TLN2: variants seen among roughly 807,000 people sequenced by gnomAD.
The protein encoded by TLN2 is talin-2.
A neutral mutation model predicts 294.7 loss-of-function variants in TLN2; 118 were observed. The observed-to-expected ratio is 0.40, with a 90% CI of 0.34 to 0.47. The LOEUF (loss-of-function observed/expected upper bound fraction) is 0.47, where lower values mean the gene tolerates loss of function less well. Ranked by LOEUF, TLN2 falls within the 20% of genes least tolerant of loss-of-function variation. The pLI, the probability that TLN2 is intolerant of heterozygous loss-of-function variation, is 0.84. For missense variants in TLN2, 3,083 were observed against 3,282.2 expected, an observed-to-expected ratio of 0.94 and a Z score of 1.48; for synonymous variants, 1,431 against 1,304.5, an observed-to-expected ratio of 1.10 and a Z score of -2.09.
At chr15:62,663,844 C>G (rs1236488963) in intron 9 of TLN2, among the ~76,000 whole-genome samples, 2 of 151,974 alleles carry the variant, frequency 1.3e-5, no homozygotes, top group African/African-American at 4.8e-5. Context: ...TAAAGTACTT[C>G]TACCCAAACT....
At chr15:62,536,760 T>A (rs952810373) in intron 1 of TLN2, among the ~76,000 whole-genome samples, 1 of 152,218 alleles carries the variant, frequency 6.6e-6, no homozygotes, top group Non-Finnish European at 1.5e-5. Context: ...GCTCTAATGG[T>A]AATTTTTAAA....
intron 37 of TLN2, among the ~76,000 whole-genome samples, chr15:62,759,905 A>G (rs2062557437): frequency 6.6e-6 from 1 of 152,198 alleles, no homozygotes; most frequent in African/African-American, 2.4e-5. Flanking sequence ...GGTGTTCTCA[A>G]ATTGCTCTGA....
At chr15:62,700,959 T>A in intron 16 of TLN2, 147 bp from the exon 17 acceptor site, 1 of 614,830 alleles carries the variant, frequency 1.6e-6, no homozygotes, top group Non-Finnish European at 2.9e-6. Context: ...TTAAGGATAC[T>A]GTTTAGGATA....
Position 62,796,190 on chromosome 15 carries a change from G to C in TLN2, c.5947G>C (p.Ala1983Pro). 1.2e-6 allele frequency: 2 copies of C among 1,614,192 alleles called. No homozygotes were observed. Among genetic ancestry groups the C allele is most frequent in the African/African-American group, 1.3e-5 (1 of 75,032 alleles). The change falls in exon 47 of 59, where the codon GCC becomes CCC. Residue 1983 changes from alanine to proline, a missense_variant. Physicochemically the swap from Ala to Pro is conservative, Grantham distance 27 (BLOSUM62 -1). Coordinates refer to ENST00000636159, the MANE Select transcript of TLN2 (RefSeq NM_015059.3). ...AGGAACCCAGGCATGCATTACAGCC[G>C]CCACCGCTGTGTCTGGGATCATTGC... ...NKGTQACITA[A>P]TAVSGIIADL...
chr15:62,599,568 AC>A (rs1210261464), intron 2 of TLN2, among the ~76,000 whole-genome samples: 2 of 152,174 alleles, frequency 1.3e-5, no homozygotes, highest in African/African-American at 4.8e-5. Context: ...TCTGAGGCAG[AC>A]CCCAACCGTT....
chr15:62,455,633 A>G (rs2036432706), intron 1 of TLN2, among the ~76,000 whole-genome samples: 1 of 152,204 alleles, frequency 6.6e-6, no homozygotes, highest in Admixed American at 6.5e-5. Context: ...GAAGGCCTCC[A>G]GCAACCCTTT....
At position 62,771,038 on chromosome 15, in the gene TLN2, T is replaced by G; in HGVS notation, c.5271T>G (p.His1757Gln). 6 of 1,613,010 alleles carry G rather than the reference T, an allele frequency of 3.7e-6. No individual in the cohort carries two copies. Among genetic ancestry groups the G allele is most frequent in the East Asian group, 2.2e-5 (1 of 44,780 alleles). Residue 1757 changes from histidine to glutamine, a missense_variant, in exon 42 of 59, where the codon CAT becomes CAG. His to Gln is a conservative substitution (Grantham distance 24). Coordinates refer to ENST00000636159, the MANE Select transcript of TLN2 (RefSeq NM_015059.3). ...GTGTGGCCTCCAAGATTCTTGATCA[T>G]CAGCAGCAGATGACGGTGCTGGACC... ...AVGVASKILD[H>Q]QQQMTVLDQT...
chr15:62,640,185 C>G (rs892905829), intron 3 of TLN2: 8 of 455,894 alleles, frequency 1.8e-5, no homozygotes, highest in African/African-American at 1.4e-4. Flanking sequence ...TTCTCTTCCT[C>G]TCTTGTAGAA....
chr15:62,827,169 G>T (rs1237556488), intron 54 of TLN2, among the ~76,000 whole-genome samples: 1 of 152,164 alleles, frequency 6.6e-6, no homozygotes, highest in Non-Finnish European at 1.5e-5. Context: ...GGAGCTGTGG[G>T]GTTGCAGGGC....
intron 2 of TLN2, among the ~76,000 whole-genome samples, chr15:62,605,252 T>C (rs1290516237): frequency 6.6e-6 from 1 of 152,228 alleles, no homozygotes; most frequent in Non-Finnish European, 1.5e-5. Context: ...ATATGAAATA[T>C]CCTAGCCTAA....
intron 32 of TLN2, 119 bp downstream of exon 32, chr15:62,740,888 A>G (rs1356680749): frequency 5.3e-6 from 7 of 1,328,602 alleles, no homozygotes; most frequent in Non-Finnish European, 3.1e-6. Flanking sequence ...TCCTTAGGTC[A>G]TGGGAGGTGG....
intron 20 of TLN2, among the ~76,000 whole-genome samples, chr15:62,707,787 A>G (rs894900672): frequency 3.9e-5 from 6 of 152,126 alleles, no homozygotes; most frequent in Non-Finnish European, 7.4e-5. Flanking sequence ...TCAGTAGGTT[A>G]AGGCCACAGA....
chr15:62,459,528 G>A (rs766254621), intron 1 of TLN2, among the ~76,000 whole-genome samples: 13 of 152,180 alleles, frequency 8.5e-5, no homozygotes, highest in Non-Finnish European at 1.6e-4. Flanking sequence ...GAATAGGAAA[G>A]TGTGTGCATG....
chr15:62,431,900 A>C (rs1317103387), intron 1 of TLN2, among the ~76,000 whole-genome samples: 1 of 152,198 alleles, frequency 6.6e-6, no homozygotes, highest in African/African-American at 2.4e-5. Context: ...ATACAAATGT[A>C]GAGTGGGTGA....
At chr15:62,480,095 C>T (rs1289314633) in intron 1 of TLN2, among the ~76,000 whole-genome samples, 1 of 152,114 alleles carries the variant, frequency 6.6e-6, no homozygotes, top group Non-Finnish European at 1.5e-5. Context: ...GTGAAGACCT[C>T]TCTGGGGTCT....
At chr15:62,596,055 C>A (rs1207165990) in intron 2 of TLN2, among the ~76,000 whole-genome samples, 1 of 151,954 alleles carries the variant, frequency 6.6e-6, no homozygotes, top group Non-Finnish European at 1.5e-5. Flanking sequence ...GCAGGTGGAT[C>A]ACGAGGTCAG....
intron 1 of TLN2, among the ~76,000 whole-genome samples, chr15:62,400,177 T>C (rs1322214433): frequency 2.0e-5 from 3 of 152,214 alleles, no homozygotes; most frequent in South Asian, 4.1e-4. Flanking sequence ...CCTGCCGCCA[T>C]GTGAAGAAGG....
At chr15:62,573,494 C>T (rs78141638) in intron 1 of TLN2, among the ~76,000 whole-genome samples, 1 of 152,244 alleles carries the variant, frequency 6.6e-6, no homozygotes, top group East Asian at 1.9e-4. Context: ...AAATGCAGCT[C>T]CTTACCCCTC....
chr15:62,538,178 G>A (rs139830519), intron 1 of TLN2, among the ~76,000 whole-genome samples: 1,823 of 152,134 alleles, frequency 0.012, 12 homozygotes, highest in Middle Eastern at 0.031. Flanking sequence ...CTGAGATTGC[G>A]CCACTGCACT....
Sources: gnomAD v4.1 joint callset for allele counts (sites outside exome capture counted in the v4.1 genomes callset) on GRCh38, gnomAD v4.1.1 for gene constraint, MANE v1.5 for transcripts, NCBI Gene and HGNC (gene_info 2026-07-23, HGNC 2026-07-21) for gene names.